TEKTIP1: variants seen among roughly 807,000 people sequenced by gnomAD.
The protein encoded by TEKTIP1 is tektin bundle interacting protein 1.
chr19:3,543,265 C>G, the TEKTIP1 span: 2 of 1,546,952 alleles, frequency 1.3e-6, no homozygotes, highest in Non-Finnish European at 1.7e-6. Flanking sequence ...AGGGTTCCCG[C>G]TGGCCACCAG....
chr19:3,539,300 C>G, the TEKTIP1 span: 1 of 1,222,644 alleles, frequency 8.2e-7, no homozygotes. Context: ...CCAGCCCCTC[C>G]CTCCCTCCCT....
At chr19:3,542,170 A>T in the TEKTIP1 span, 3 of 985,282 alleles carry the variant, frequency 3.0e-6, no homozygotes, top group Non-Finnish European at 3.6e-6. Context: ...TCATTTCAAA[A>T]GGGTGAGGTT....
chr19:3,539,369 T>C, the TEKTIP1 span: 4 of 686,102 alleles, frequency 5.8e-6, no homozygotes, highest in African/African-American at 7.1e-5. Context: ...CACTCGTTAT[T>C]CCTAAAAGGC....
the TEKTIP1 span, chr19:3,542,823 A>C: frequency 3.6e-6 from 5 of 1,374,206 alleles, no homozygotes; most frequent in Non-Finnish European, 4.9e-6. Flanking sequence ...GCTTAGTGCC[A>C]GCCCCAGACC....
the TEKTIP1 span, chr19:3,543,548 A>G: frequency 7.8e-7 from 1 of 1,280,144 alleles, no homozygotes. Flanking sequence ...CCCCCGCCCC[A>G]CCGCAGCCTA....
chr19:3,540,265 G>GT, the TEKTIP1 span, among the ~76,000 whole-genome samples: 15,360 of 140,908 alleles, frequency 0.11, 2,331 homozygotes, highest in African/African-American at 0.34. Context: ...GCTAATTTTT[G>GT]TTTTTTTTTT....
At chr19:3,542,862 G>C in the TEKTIP1 span, 1 of 1,387,928 alleles carries the variant, frequency 7.2e-7, no homozygotes, top group South Asian at 1.1e-5. Flanking sequence ...TCCAGGCCAG[G>C]GGGGCTTCCC....
At chr19:3,542,708 C>A in the TEKTIP1 span, 3 of 1,282,866 alleles carry the variant, frequency 2.3e-6, no homozygotes, top group Non-Finnish European at 3.1e-6. Flanking sequence ...GTCTCGAACT[C>A]CTGACCTCAA....
chr19:3,539,371 C>T, the TEKTIP1 span: 1 of 675,320 alleles, frequency 1.5e-6, no homozygotes, highest in Non-Finnish European at 2.6e-6. Flanking sequence ...CTCGTTATTC[C>T]TAAAAGGCTC....
chr19:3,541,912 TAA>T, the TEKTIP1 span: 4 of 603,516 alleles, frequency 6.6e-6, no homozygotes, highest in Admixed American at 6.3e-5. Flanking sequence ...GGGTTCAAGC[TAA>T]TTCTCCTGCC....
At chr19:3,543,116 G>C in the TEKTIP1 span, 1 of 1,523,348 alleles carries the variant, frequency 6.6e-7, no homozygotes, top group South Asian at 1.2e-5. Context: ...AGTGGCGAGG[G>C]AGGGAGACCC....
the TEKTIP1 span, chr19:3,543,920 C>T: frequency 6.4e-7 from 1 of 1,551,258 alleles, no homozygotes; most frequent in Non-Finnish European, 8.7e-7. Context: ...CGCCCGGCAC[C>T]ACCCAGAACT....
the TEKTIP1 span, chr19:3,539,792 C>T: frequency 3.2e-5 from 5 of 154,894 alleles, no homozygotes; most frequent in African/African-American, 1.2e-4. Flanking sequence ...AAAACCATTT[C>T]CAAACAAGGC....
chr19:3,543,573 G>A, the TEKTIP1 span: 398 of 1,539,554 alleles, frequency 2.6e-4, 2 homozygotes, highest in African/African-American at 3.8e-3. Flanking sequence ...CAGCACCTGC[G>A]GGAGACCGCC....
At chr19:3,541,924 C>T in the TEKTIP1 span, 2 of 542,614 alleles carry the variant, frequency 3.7e-6, no homozygotes, top group Non-Finnish European at 2.3e-6. Context: ...ATTCTCCTGC[C>T]TCAGCTTCCC....
chr19:3,543,840 A>T, the TEKTIP1 span: 1 of 1,535,486 alleles, frequency 6.5e-7, no homozygotes, highest in Non-Finnish European at 8.8e-7. Flanking sequence ...GCTCAACAGG[A>T]ACCGGTACGG....
At chr19:3,541,682 G>T in the TEKTIP1 span, 1 of 985,372 alleles carries the variant, frequency 1.0e-6, no homozygotes, top group South Asian at 4.7e-5. Context: ...CCGCAAGTGT[G>T]TAATAACGGG....
chr19:3,543,132 C>CGTGG, the TEKTIP1 span: 1 of 1,511,774 alleles, frequency 6.6e-7, no homozygotes, highest in Non-Finnish European at 8.8e-7. Context: ...GACCCCACGC[C>CGTGG]GTGGGCCAGG....
the TEKTIP1 span, chr19:3,539,288 T>G: frequency 7.4e-7 from 1 of 1,359,542 alleles, no homozygotes; most frequent in East Asian, 2.5e-5. Flanking sequence ...GGTGAGCCCC[T>G]CCCAGCCCCT....
Sources: allele counts gnomAD v4.1 joint callset (sites outside exome capture counted in the v4.1 genomes callset), GRCh38; gene constraint gnomAD v4.1.1; transcripts MANE v1.5; gene names NCBI Gene and HGNC (gene_info 2026-07-23, HGNC 2026-07-21).